SARDH: variants seen among roughly 807,000 people sequenced by gnomAD.
SARDH encodes sarcosine dehydrogenase.
A neutral mutation model predicts 109.1 loss-of-function variants in SARDH; 95 were observed. The observed-to-expected ratio is 0.87, with a 90% CI of 0.74 to 1.03. SARDH has a LOEUF of 1.03. Ranked by LOEUF, SARDH falls within the 50% of genes least tolerant of loss-of-function variation. SARDH has a pLI of 0.00. For synonymous variants in SARDH, 572 were observed against 534.8 expected (o/e 1.07, Z -0.96); for missense variants, 1,267 against 1,287.8 (o/e 0.98, Z 0.25).
At chr9:133,663,213 G>T (rs1829942174), downstream of SARDH, among the ~76,000 whole-genome samples, 1 of 152,252 alleles carries the variant, frequency 6.6e-6, no homozygotes, top group Admixed American at 6.5e-5. Flanking sequence ...GCACTTCTGT[G>T]TGGGTGAGGA....
chr9:133,681,081 G>A (rs1349905168), intron 17 of SARDH, among the ~76,000 whole-genome samples: 1 of 152,240 alleles, frequency 6.6e-6, no homozygotes, highest in Non-Finnish European at 1.5e-5. Context: ...CTGGCTGTCG[G>A]CAGAGACGAG....
chr9:133,729,729 C>A (rs1030001263), intron 6 of SARDH, 36 bp downstream of exon 6: 1 of 1,582,684 alleles, frequency 6.3e-7, no homozygotes, highest in Non-Finnish European at 8.6e-7. Flanking sequence ...CTGTGCCCCC[C>A]ACAGACTGAC....
chr9:133,701,186 T>G (rs1831471333), intron 13 of SARDH, among the ~76,000 whole-genome samples: 1 of 152,238 alleles, frequency 6.6e-6, no homozygotes, highest in South Asian at 2.1e-4. Context: ...ATTGGCGGAC[T>G]GGATTGAAAT....
Position 133,704,826 on chromosome 9 carries a change from A to G in SARDH, c.1554+122T>C. ...CTTCCCGTGTGCAGAATAACTGATC[A>G]CGACAGTGGAACCACCTGGGGAGGC... On this transcript the variant is annotated intron_variant, in intron 12 of 20. Transcript: ENST00000439388. This position sits in a 1 kb window ranked among gnomAD's most constrained non-coding sequence, Gnocchi z 4.5. 1.3e-6 allele frequency: 1 copy of G among 796,554 alleles called. No individual in the cohort carries two copies. The allele number at this position is 796,554 out of a possible 1,614,324, so 49.3% of individuals were successfully genotyped here. A position where few individuals can be genotyped will look rare whatever the true frequency, so the allele number is the denominator to read the frequency against.
At chr9:133,690,616 A>G in intron 15 of SARDH, 89 bp from the exon 16 acceptor site, 1 of 1,447,884 alleles carries the variant, frequency 6.9e-7, no homozygotes, top group South Asian at 1.2e-5. Context: ...CCCGGCTGAG[A>G]AAACAAATGC....
At chr9:133,670,222 G>C (rs909696820) in intron 19 of SARDH, among the ~76,000 whole-genome samples, 1 of 151,914 alleles carries the variant, frequency 6.6e-6, no homozygotes, top group Admixed American at 6.6e-5. Context: ...CCAGCTACTT[G>C]GGAGGCTGAG....
chr9:133,671,716 G>A lies in SARDH; in HGVS notation c.2164-19C>T, dbSNP rs1035897261. On this transcript the variant is annotated intron_variant, in intron 17 of 20. Coordinates refer to ENST00000439388, the MANE Select transcript of SARDH (RefSeq NM_001134707.2). The stretch of plus-strand genomic sequence containing the variant: ...CTCGGACCTGGGGGACAAGGTCATG[G>A]CTTAGATGTGGCCATGTAAGATGGC... 44 of 1,554,034 alleles carry A rather than the reference G, an allele frequency of 2.8e-5. No individual in the cohort carries two copies. Among genetic ancestry groups the A allele is most frequent in the Non-Finnish European group, 3.7e-5 (43 of 1,148,602 alleles).
rs775825403 is a variant in SARDH, at chr9:133,702,969, G to C, written c.1615C>G (p.Arg539Gly). The C allele has an allele frequency of 6.2e-7, 1 of 1,613,454 alleles. No individual in the cohort carries two copies. The highest frequency in any genetic ancestry group is 2.2e-5 in the East Asian group (1 of 44,876). The change falls in exon 13 of 21, where the codon CGC (arginine) becomes GGC (glycine). Residue 539 changes from arginine to glycine, a missense_variant. Transcript: ENST00000439388. ...GSRAHEDYAYRRLLADEYTFA... is the reference protein window; with the variant it reads ...GSRAHEDYAYGRLLADEYTFA... ...GTGTACTCGTCTGCCAGCAGCCTGC[G>C]GTAGGCGTAGTCCTCGTGCGCGCGG...
At chr9:133,710,751 G>A (rs1831888404) in intron 10 of SARDH, among the ~76,000 whole-genome samples, 1 of 152,280 alleles carries the variant, frequency 6.6e-6, no homozygotes, top group Admixed American at 6.5e-5. Flanking sequence ...TTGCATTAGT[G>A]CTACAGCCCT....
chr9:133,691,441 C>A (rs1831094227), intron 15 of SARDH, among the ~76,000 whole-genome samples: 1 of 152,194 alleles, frequency 6.6e-6, no homozygotes, highest in Non-Finnish European at 1.5e-5. Context: ...GCCTGGCCTG[C>A]AAAGCTGACA....
intron 6 of SARDH, among the ~76,000 whole-genome samples, chr9:133,723,916 T>C (rs1832406479): frequency 6.6e-6 from 1 of 152,228 alleles, no homozygotes; most frequent in African/African-American, 2.4e-5. Flanking sequence ...GTTGGACCCC[T>C]ACCTCACACC....
At chr9:133,701,302 C>A (rs570231048) in intron 13 of SARDH, among the ~76,000 whole-genome samples, 27 of 152,362 alleles carry the variant, frequency 1.8e-4, no homozygotes, top group African/African-American at 5.5e-4. Context: ...ACCAGCACAC[C>A]ACAGGGACCA....
chr9:133,709,590 T>C lies in SARDH; in HGVS notation c.1329-1162A>G, dbSNP rs370881571. On this transcript the variant is annotated intron_variant, in intron 10 of 20. Coordinates refer to ENST00000439388, the MANE Select transcript of SARDH (RefSeq NM_001134707.2). This position sits in a 1 kb window ranked among gnomAD's most constrained non-coding sequence, Gnocchi z 4.2. The stretch of plus-strand genomic sequence containing the variant: ...CTGATTCTTAGTCTGCACGTAATTC[T>C]AGCAAGCAGAATTTTCTGATCTGGA... Among the ~76,000 whole-genome samples the C allele has an allele frequency of 2.0e-5, 3 of 152,124 alleles. No individual in the cohort carries two copies. Among genetic ancestry groups the C allele is most frequent in the African/African-American group, 7.2e-5 (3 of 41,400 alleles).
intron 6 of SARDH, among the ~76,000 whole-genome samples, chr9:133,722,642 G>GCTCCCT (rs1203936066): frequency 2.7e-5 from 4 of 145,748 alleles, no homozygotes; most frequent in African/African-American, 1.0e-4. Context: ...AACTACTAGC[G>GCTCCCT]CTCTCTCTCT....
rs766787914 is a variant in SARDH at position 133,664,020 on chromosome 9, A to AGCAGAGGTGGG, written c.2632-17_2632-7dup. ...TTCACAAAGTCCAGCGAGACCTAGG[A>AGCAGAGGTGGG]GCAGAGGTGGGGATGAGGATCACTC... On this transcript the variant is annotated splice_polypyrimidine_tract_variant and splice_region_variant and intron_variant, in intron 20 of 20. Transcript: ENST00000439388. 6.2e-7 allele frequency: 1 copy of AGCAGAGGTGGG among 1,613,836 alleles called. No individual in the cohort carries two copies. The highest frequency in any genetic ancestry group is 1.1e-5 in the South Asian group (1 of 91,026).
intron 6 of SARDH, among the ~76,000 whole-genome samples, chr9:133,723,890 C>T (rs1832405735): frequency 1.3e-5 from 2 of 152,176 alleles, no homozygotes; most frequent in African/African-American, 4.8e-5. Flanking sequence ...TGGATAGCCA[C>T]ATGCAAAAGA....
rs761066457 is a variant in SARDH at position 133,719,014 on chromosome 9, G to T, written c.944C>A (p.Ala315Asp). Reference sequence around the variant, plus strand: ...CCCTTGGAGGCGGAGGTAGACAGAGGCATCATGATCACGGACATTGGGCAT... The same window carrying T: ...CCCTTGGAGGCGGAGGTAGACAGAGTCATCATGATCACGGACATTGGGCAT... ...QNMPNVRDHD[A>D]SVYLRLQGDA... Residue 315 changes from alanine (A) to aspartate (D), a missense_variant, in exon 7 of 21, where the codon GCC (alanine) becomes GAC (aspartate). Ala to Asp is a moderately radical substitution (Grantham distance 126). Coordinates refer to ENST00000439388, the MANE Select transcript of SARDH (RefSeq NM_001134707.2). 6.2e-7 allele frequency: 1 copy of T among 1,614,170 alleles called. No homozygotes were observed. The highest frequency in any genetic ancestry group is 1.7e-5 in the Admixed American group (1 of 60,024).
Position 133,705,037 on chromosome 9 carries a change from C to T in SARDH, c.1471-6G>A, listed in dbSNP as rs1373427927. ...CAGCCTTGTCCAAGGAGTTCCTGAG[C>T]AGGAGTGGGGAACAGGCATCTGTCA... On this transcript the variant is annotated splice_polypyrimidine_tract_variant and splice_region_variant and intron_variant, in intron 11 of 20. Coordinates refer to ENST00000439388, the MANE Select transcript of SARDH (RefSeq NM_001134707.2). 6.3e-7 allele frequency: 1 copy of T among 1,585,806 alleles called. No homozygotes were observed.
chr9:133,732,124 G>C (rs1012982037), intron 3 of SARDH, among the ~76,000 whole-genome samples: 4 of 152,156 alleles, frequency 2.6e-5, no homozygotes, highest in Non-Finnish European at 5.9e-5. Flanking sequence ...CTGGAACCCA[G>C]ATCTGTCACC....
Sources: allele counts gnomAD v4.1 joint callset (sites outside exome capture counted in the v4.1 genomes callset), GRCh38; gene constraint gnomAD v4.1.1; non-coding constraint Gnocchi (gnomAD v3.1); transcripts MANE v1.5; gene names NCBI Gene and HGNC (gene_info 2026-07-23, HGNC 2026-07-21).